The following ROBO1 variants were observed in gnomAD, a reference collection of about 807,000 sequenced individuals.
ROBO1 encodes the protein roundabout guidance receptor 1.
ROBO1 carries 149 observed loss-of-function variants against 195.9 expected under a neutral mutation model. The ratio of observed to expected loss-of-function variants is 0.76; its 90% CI spans 0.67 to 0.87. The LOEUF (loss-of-function observed/expected upper bound fraction) is 0.87, where lower values mean the gene tolerates loss of function less well. ROBO1 is among the 40% of genes least tolerant of loss of function. The pLI, the probability that ROBO1 is intolerant of heterozygous loss-of-function variation, is 0.00. For missense variants in ROBO1, 1,933 were observed against 2,068.3 expected, an observed-to-expected ratio of 0.93 and a Z score of 1.27; for synonymous variants, 816 against 733.2, an observed-to-expected ratio of 1.11 and a Z score of -1.82.
chr3:78,977,637 T>C (rs2076910161), intron 3 of ROBO1, among the ~76,000 whole-genome samples: 1 of 151,212 alleles, frequency 6.6e-6, no homozygotes, highest in Non-Finnish European at 1.5e-5. Context: ...TTCCGTAAGC[T>C]ACACTGAAAA....
intron 2 of ROBO1, among the ~76,000 whole-genome samples, chr3:79,196,183 A>G (rs1270390982): frequency 6.6e-6 from 1 of 151,624 alleles, no homozygotes; most frequent in Non-Finnish European, 1.5e-5. Flanking sequence ...CATTGTGGAA[A>G]AGGTTTCTAT....
intron 2 of ROBO1, among the ~76,000 whole-genome samples, chr3:79,547,159 T>C (rs898579630): frequency 5.2e-4 from 58 of 110,962 alleles, no homozygotes; most frequent in African/African-American, 2.1e-3. Context: ...CACTCCAGCC[T>C]GGCAGACAGA....
At chr3:78,749,902 G>T (rs568826106) in intron 4 of ROBO1, among the ~76,000 whole-genome samples, 1 of 152,010 alleles carries the variant, frequency 6.6e-6, no homozygotes, top group Non-Finnish European at 1.5e-5. Context: ...TGTCAAAAAG[G>T]TCTAATACTA....
chr3:79,677,405 T>C (rs1482828260), intron 1 of ROBO1, among the ~76,000 whole-genome samples: 1 of 151,774 alleles, frequency 6.6e-6, no homozygotes, highest in African/African-American at 2.4e-5. Flanking sequence ...CTCACAATCA[T>C]GGTGGAAGGC....
intron 1 of ROBO1, among the ~76,000 whole-genome samples, chr3:79,691,504 G>A (rs1947296815): frequency 1.3e-5 from 2 of 151,378 alleles, no homozygotes. Context: ...TATAACTCAA[G>A]CATTGAACAA....
chr3:78,786,547 C>A (rs1402222941), intron 4 of ROBO1, among the ~76,000 whole-genome samples: 1 of 152,128 alleles, frequency 6.6e-6, no homozygotes, highest in South Asian at 2.1e-4. Context: ...CTGTAGCTCC[C>A]ATAATCTCCA....
chr3:78,642,176 A>T (rs1010896544), intron 21 of ROBO1, among the ~76,000 whole-genome samples: 1 of 152,174 alleles, frequency 6.6e-6, no homozygotes, highest in Non-Finnish European at 1.5e-5. Flanking sequence ...ATCATGTAAT[A>T]TTATCATATA....
intron 8 of ROBO1, among the ~76,000 whole-genome samples, chr3:78,697,225 C>G (rs185153798): frequency 7.4e-6 from 1 of 135,146 alleles, no homozygotes. Flanking sequence ...AAGAAGAGAG[C>G]AAGGAAGTAA....
chr3:79,194,881 A>G (rs1242373587), intron 2 of ROBO1, among the ~76,000 whole-genome samples: 3 of 151,604 alleles, frequency 2.0e-5, no homozygotes, highest in Non-Finnish European at 4.4e-5. Flanking sequence ...TTCTGCCTCA[A>G]TAATAAGTGG....
chr3:79,673,991 T>C (rs1041947725), intron 1 of ROBO1, among the ~76,000 whole-genome samples: 19 of 152,022 alleles, frequency 1.2e-4, no homozygotes, highest in African/African-American at 4.1e-4. Context: ...AGAATTAGTA[T>C]TTATAAATCA....
intron 4 of ROBO1, among the ~76,000 whole-genome samples, chr3:78,763,817 G>A (rs925120957): frequency 1.3e-5 from 2 of 152,132 alleles, no homozygotes; most frequent in Non-Finnish European, 2.9e-5. Context: ...CCGGCAAAGC[G>A]ATTTGCCACC....
At chr3:78,884,611 G>C (rs150733779) in intron 4 of ROBO1, among the ~76,000 whole-genome samples, 1 of 125,300 alleles carries the variant, frequency 8.0e-6, no homozygotes, top group African/African-American at 3.5e-5. Flanking sequence ...GAGAGAAAGA[G>C]AGAAAGAAAG....
intron 2 of ROBO1, among the ~76,000 whole-genome samples, chr3:79,576,565 G>GT (rs1425902182): frequency 6.6e-6 from 1 of 151,982 alleles, no homozygotes; most frequent in Non-Finnish European, 1.5e-5. Flanking sequence ...ATCATTTCAA[G>GT]TTTCCCAAGT....
At chr3:78,676,701 G>T (rs1708454468) in intron 10 of ROBO1, among the ~76,000 whole-genome samples, 1 of 152,216 alleles carries the variant, frequency 6.6e-6, no homozygotes, top group African/African-American at 2.4e-5. Flanking sequence ...ACGTCTGATT[G>T]GTGTACCTGA....
chr3:78,831,144 C>T (rs530863790), intron 4 of ROBO1, among the ~76,000 whole-genome samples: 3 of 152,146 alleles, frequency 2.0e-5, no homozygotes, highest in African/African-American at 4.8e-5. Flanking sequence ...AACTCCTGAC[C>T]TCGTGATCCA....
intron 4 of ROBO1, among the ~76,000 whole-genome samples, chr3:78,923,907 A>G (rs569786685): frequency 6.6e-6 from 1 of 152,198 alleles, no homozygotes; most frequent in East Asian, 1.9e-4. Flanking sequence ...AAATTGGTTA[A>G]TACTTGCATT....
intron 4 of ROBO1, among the ~76,000 whole-genome samples, chr3:78,758,579 A>C (rs534882926): frequency 6.6e-6 from 1 of 152,204 alleles, no homozygotes; most frequent in South Asian, 2.1e-4. Context: ...GAAGCCAAAG[A>C]AAAAATATTG....
At chr3:79,503,226 C>T (rs192402828) in intron 2 of ROBO1, among the ~76,000 whole-genome samples, 6 of 152,228 alleles carry the variant, frequency 3.9e-5, no homozygotes, top group Non-Finnish European at 8.8e-5. Context: ...CAACTGCAGA[C>T]GCCCCACCTT....
chr3:78,773,917 C>A (rs1184462809), intron 4 of ROBO1, among the ~76,000 whole-genome samples: 1 of 152,174 alleles, frequency 6.6e-6, no homozygotes, highest in East Asian at 1.9e-4. Context: ...TCTTGTTTAT[C>A]TCTGGATATC....
Sources: gnomAD v4.1 joint callset for allele counts (sites outside exome capture counted in the v4.1 genomes callset) on GRCh38, gnomAD v4.1.1 for gene constraint, MANE v1.5 for transcripts, NCBI Gene and HGNC (gene_info 2026-07-23, HGNC 2026-07-21) for gene names.